The following CHL1 variants were observed in gnomAD, a reference collection of about 807,000 sequenced individuals.
CHL1 encodes the protein neural cell adhesion molecule L1-like protein.
Under a neutral mutation model 141.9 loss-of-function variants are expected in CHL1, and 96 were observed. The ratio of observed to expected loss-of-function variants is 0.68; its 90% CI spans 0.57 to 0.80. The LOEUF (loss-of-function observed/expected upper bound fraction) is 0.80, where lower values mean the gene tolerates loss of function less well. Ranked by LOEUF, CHL1 falls within the 30% of genes least tolerant of loss-of-function variation. The pLI, the probability that CHL1 is intolerant of heterozygous loss-of-function variation, is 0.00. For synonymous variants in CHL1, 613 were observed against 502.2 expected (o/e 1.22, Z -2.95); for missense variants, 1,820 against 1,457.2 (o/e 1.25, Z -4.05).
chr3:390,869 G>T lies in CHL1; in HGVS notation c.2586+53G>T, dbSNP rs1708166010. The stretch of plus-strand genomic sequence containing the variant: ...CTTGTTGAATTGGTATCTTTCCTGA[G>T]AATAAAGAAGAATTGATTTCAGAAG... On this transcript the variant is annotated intron_variant, in intron 21 of 27. Transcript: ENST00000256509. 1.0e-5 allele frequency: 15 copies of T among 1,493,096 alleles called. No individual in the cohort carries two copies. In the South Asian group the frequency reaches 1.4e-4, roughly 14 times the overall value. 92.5% of individuals were successfully genotyped at this position (1,493,096 alleles called of 1,614,324 possible).
intron 2 of CHL1, among the ~76,000 whole-genome samples, chr3:308,131 G>C (rs1699410319): frequency 6.6e-6 from 1 of 152,164 alleles, no homozygotes; most frequent in East Asian, 1.9e-4. Flanking sequence ...GAGTATTTCA[G>C]AAAGTTTAAT....
chr3:358,173 G>A lies in CHL1; in HGVS notation c.1166-2111G>A, dbSNP rs1418437784. 3.3e-5 allele frequency among the ~76,000 whole-genome samples: 5 copies of A among 152,112 alleles called. No homozygotes were observed. In the East Asian group the frequency reaches 9.6e-4, roughly 29 times the overall value. On this transcript the variant is annotated intron_variant, in intron 11 of 27. Coordinates refer to ENST00000256509, the MANE Select transcript of CHL1 (RefSeq NM_006614.4). ...CACGAGTCTTGGCTAAAATCAAAAT[G>A]TCAGCAGTGCCATGTCCTGGAAGTG...
In CHL1 at chr3:382,549, A is replaced by C. The variant is rs1707176465; in HGVS notation, c.2054A>C (p.Lys685Thr). 1 of 1,613,638 alleles carries C rather than the reference A, an allele frequency of 6.2e-7. No individual in the cohort carries two copies. Among genetic ancestry groups the C allele is most frequent in the Non-Finnish European group, 8.5e-7 (1 of 1,179,690 alleles). Reference sequence around the variant, plus strand: ...GAACTGACCAGAGTCCAAGGAAAGAAAACCACAGTTATCTTACCTTTGGCT... The same window carrying C: ...GAACTGACCAGAGTCCAAGGAAAGACAACCACAGTTATCTTACCTTTGGCT... The part of the protein sequence containing the change: ...WEELTRVQGK[K>T]TTVILPLAPF... The change falls in exon 18 of 28, where the codon AAA becomes ACA. Residue 685 changes from lysine (K) to threonine (T), a missense_variant. Lys to Thr is a moderately conservative substitution (Grantham distance 78, BLOSUM62 -1). Coordinates refer to ENST00000256509, the MANE Select transcript of CHL1 (RefSeq NM_006614.4).
chr3:332,263 A>G (rs1701499964), intron 5 of CHL1, among the ~76,000 whole-genome samples: 1 of 152,246 alleles, frequency 6.6e-6, no homozygotes, highest in Admixed American at 6.5e-5. Flanking sequence ...TTGAGCAATA[A>G]AAGTAAATCT....
chr3:321,744 A>G, intron 3 of CHL1, among the ~76,000 whole-genome samples: 1 of 152,104 alleles, frequency 6.6e-6, no homozygotes, highest in East Asian at 1.9e-4. Flanking sequence ...ATAAAATATT[A>G]ATGGCATATT....
intron 18 of CHL1, among the ~76,000 whole-genome samples, chr3:383,436 C>T (rs1369963760): frequency 6.6e-6 from 1 of 152,092 alleles, no homozygotes; most frequent in Non-Finnish European, 1.5e-5. Flanking sequence ...ATATTCACAA[C>T]ATATGTTTCT....
At chr3:304,347 T>A (rs1699034365) in intron 2 of CHL1, among the ~76,000 whole-genome samples, 1 of 152,212 alleles carries the variant, frequency 6.6e-6, no homozygotes, top group African/African-American at 2.4e-5. Flanking sequence ...TCTGGTAGAA[T>A]ACGGCTGTGA....
chr3:374,600 C>A (rs1023023826), intron 15 of CHL1, among the ~76,000 whole-genome samples: 1 of 152,186 alleles, frequency 6.6e-6, no homozygotes, highest in South Asian at 2.1e-4. Flanking sequence ...CTCTGGCTAT[C>A]TGAGTGGACT....
intron 2 of CHL1, among the ~76,000 whole-genome samples, chr3:310,416 G>A (rs1266312210): frequency 1.3e-5 from 2 of 152,172 alleles, no homozygotes; most frequent in African/African-American, 4.8e-5. Flanking sequence ...GATTTTAGGT[G>A]TCCAAGGTGG....
At chr3:305,935 G>T (rs1699189310) in intron 2 of CHL1, among the ~76,000 whole-genome samples, 1 of 151,934 alleles carries the variant, frequency 6.6e-6, no homozygotes, top group Admixed American at 6.6e-5. Flanking sequence ...TATCAATATT[G>T]GAATCAAAAC....
intron 2 of CHL1, among the ~76,000 whole-genome samples, chr3:259,555 G>C (rs1193346294): frequency 6.6e-6 from 1 of 151,980 alleles, no homozygotes; most frequent in African/African-American, 2.4e-5. Context: ...TTATCAGGGA[G>C]GCCTTTCCTG....
chr3:385,052 A>C (rs1398618181), intron 19 of CHL1, among the ~76,000 whole-genome samples: 1 of 152,178 alleles, frequency 6.6e-6, no homozygotes, highest in East Asian at 1.9e-4. Context: ...CAATAATATT[A>C]TTTCTTTCCT....
chr3:256,947 A>G (rs918472017), intron 2 of CHL1, among the ~76,000 whole-genome samples: 3 of 152,194 alleles, frequency 2.0e-5, no homozygotes, highest in Admixed American at 6.5e-5. Flanking sequence ...TTGCCTTTCC[A>G]TGGAAATTCC....
At chr3:405,387 A>G in intron 27 of CHL1, 108 bp from the exon 28 acceptor site, 1 of 737,094 alleles carries the variant, frequency 1.4e-6, no homozygotes. Context: ...CAATGCTAAC[A>G]CAAATGTCCT....
chr3:207,015 A>G (rs1699502146), intron 1 of CHL1, among the ~76,000 whole-genome samples: 1 of 152,218 alleles, frequency 6.6e-6, no homozygotes, highest in African/African-American at 2.4e-5. Flanking sequence ...CGGCTTGAAA[A>G]TGACACCGAT....
chr3:359,764 G>T (rs958705837), intron 11 of CHL1, among the ~76,000 whole-genome samples: 4 of 152,274 alleles, frequency 2.6e-5, no homozygotes, highest in African/African-American at 9.6e-5. Context: ...TACATGAAGT[G>T]GTTAAATAGT....
chr3:339,389 T>C (rs574521049), intron 5 of CHL1, among the ~76,000 whole-genome samples: 23 of 152,330 alleles, frequency 1.5e-4, no homozygotes, highest in Non-Finnish European at 2.4e-4. Flanking sequence ...TTCCCGACTT[T>C]TGAGGGAAAT....
At position 405,848 on chromosome 3, in the gene CHL1, T is replaced by C. The variant is rs188727402; in HGVS notation, c.*137T>C. 276 of 633,780 alleles carry C rather than the reference T, an allele frequency of 4.4e-4. 2 individuals are homozygous for C. In the African/African-American group the frequency reaches 4.7e-3, roughly 11 times the overall value. The allele number at this position is 633,780 out of a possible 1,614,324, so 39.3% of individuals were successfully genotyped here. ...TCCAGAAGTCAACATCCTGCAATTA[T>C]GTTGAAAAGAGTAGTACTTTCTTCA... On this transcript the variant is annotated 3_prime_UTR_variant, in exon 28 of 28. Transcript: ENST00000256509.
chr3:408,208 C>T lies in CHL1; in HGVS notation c.*2497C>T, dbSNP rs1469270917. On this transcript the variant is annotated 3_prime_UTR_variant, in exon 28 of 28. Coordinates refer to ENST00000256509, the MANE Select transcript of CHL1 (RefSeq NM_006614.4). ...GTGATGCTTGTTTGCAAATTGCCCA[C>T]TCGTGATAAGTCAACAGCCAATATT... 1 of 152,094 alleles carries T rather than the reference C, an allele frequency of 6.6e-6. No individual in the cohort carries two copies. Among genetic ancestry groups the T allele is most frequent in the African/African-American group, 2.4e-5 (1 of 41,418 alleles). The allele number at this position is 152,094 out of a possible 1,614,324, so 9.4% of individuals were successfully genotyped here.
Sources: allele counts gnomAD v4.1 joint callset (sites outside exome capture counted in the v4.1 genomes callset), GRCh38; gene constraint gnomAD v4.1.1; transcripts MANE v1.5; gene names NCBI Gene and HGNC (gene_info 2026-07-23, HGNC 2026-07-21).